Variants in GOLGB1 observed in about 807,000 individuals in gnomAD.
GOLGB1 encodes golgin subfamily B member 1.
GOLGB1 carries 174 observed loss-of-function variants against 336.9 expected under a neutral mutation model. The ratio of observed to expected loss-of-function variants is 0.52; its 90% CI spans 0.46 to 0.59. The LOEUF (loss-of-function observed/expected upper bound fraction) is 0.59. GOLGB1 is among the 20% of genes least tolerant of loss of function. The probability of loss-of-function intolerance (pLI) is 0.00; values close to 1 mark genes in which losing one functional copy is unlikely to be tolerated. For synonymous variants in GOLGB1, 1,208 were observed against 1,289.2 expected, an observed-to-expected ratio of 0.94 and a Z score of 1.35; for missense variants, 3,331 against 3,645.3, an observed-to-expected ratio of 0.91 and a Z score of 2.22.
intron 17 of GOLGB1, among the ~76,000 whole-genome samples, chr3:121,676,355 A>G (rs1940374364): frequency 6.6e-6 from 1 of 152,222 alleles, no homozygotes; most frequent in Non-Finnish European, 1.5e-5. Context: ...CTTGTGATGA[A>G]AAGCTTACGC....
At chr3:121,722,051 T>G (rs967539188) in intron 6 of GOLGB1, among the ~76,000 whole-genome samples, 3 of 152,198 alleles carry the variant, frequency 2.0e-5, no homozygotes, top group African/African-American at 7.2e-5. Flanking sequence ...AATAACACAT[T>G]GTGAGGTTTT....
intron 1 of GOLGB1, among the ~76,000 whole-genome samples, chr3:121,731,601 T>G (rs540347159): frequency 2.0e-5 from 3 of 152,292 alleles, no homozygotes; most frequent in African/African-American, 4.8e-5. Flanking sequence ...TACTGCAACA[T>G]TTTTCTTTTT....
chr3:121,695,571 A>G lies in GOLGB1; in HGVS notation c.4952T>C (p.Leu1651Pro), dbSNP rs1942866596. 3.1e-6 allele frequency: 5 copies of G among 1,613,806 alleles called. No individual in the cohort carries two copies. Among genetic ancestry groups the G allele is most frequent in the Non-Finnish European group, 3.4e-6 (4 of 1,179,952 alleles). Residue 1651 changes from leucine (L) to proline (P), a missense_variant, in exon 13 of 22, where the codon CTG (leucine) becomes CCG (proline). Leu to Pro is a moderately conservative substitution (Grantham distance 98). Transcript: ENST00000614479. Reference sequence around the variant, plus strand: ...CTCTGTGCTTCTTAACTTGCCATACAGTTCTTGTTTCTCTTGCCTCACAGC... The same window carrying G: ...CTCTGTGCTTCTTAACTTGCCATACGGTTCTTGTTTCTCTTGCCTCACAGC... The part of the protein sequence containing the change: ...VEAVRQEKQE[L>P]YGKLRSTEAN...
chr3:121,732,384 G>T (rs1463991031), intron 1 of GOLGB1, among the ~76,000 whole-genome samples: 1 of 152,132 alleles, frequency 6.6e-6, no homozygotes, highest in African/African-American at 2.4e-5. Flanking sequence ...GACTAGCATT[G>T]CCCTAATACT....
At chr3:121,684,006 T>G (rs1005762286) in intron 14 of GOLGB1, among the ~76,000 whole-genome samples, 2 of 151,446 alleles carry the variant, frequency 1.3e-5, no homozygotes, top group African/African-American at 4.8e-5. Flanking sequence ...CGGGAGCCTA[T>G]AGTCCCAGCT....
chr3:121,704,378 A>G (rs975290621), intron 10 of GOLGB1, among the ~76,000 whole-genome samples: 3 of 152,222 alleles, frequency 2.0e-5, no homozygotes, highest in Admixed American at 6.5e-5. Context: ...TAAAATTTCC[A>G]TGGAAAAATG....
intron 10 of GOLGB1, among the ~76,000 whole-genome samples, chr3:121,711,454 C>A (rs1009932031): frequency 2.0e-5 from 3 of 152,020 alleles, no homozygotes; most frequent in African/African-American, 7.2e-5. Context: ...ACACTTTCCT[C>A]TTAGATTAGA....
intron 10 of GOLGB1, among the ~76,000 whole-genome samples, chr3:121,706,733 C>CAAAAAAAAAAAAAAA (rs1200925309): frequency 6.2e-5 from 1 of 16,158 alleles, no homozygotes; most frequent in African/African-American, 2.6e-4. Context: ...GACTCTGTCT[C>CAAAAAAAAAAAAAAA]AAAAAAAAAA....
Position 121,664,601 on chromosome 3 carries a change from A to G in GOLGB1, c.9674T>C (p.Val3225Ala). 2 of 1,613,994 alleles carry G rather than the reference A, an allele frequency of 1.2e-6. No homozygotes were observed. Among genetic ancestry groups the G allele is most frequent in the Non-Finnish European group, 1.7e-6 (2 of 1,179,874 alleles). ...SNSCRRTRSGVGWKRVLRSLC... is the reference protein window; with the variant it reads ...SNSCRRTRSGAGWKRVLRSLC... The stretch of plus-strand genomic sequence containing the variant: ...TGAACGCAGGACTCGCTTCCATCCA[A>G]CGCCACTCCGGGTCTGAAAGAAAAA... Residue 3225 changes from valine to alanine, a missense_variant, in exon 22 of 22, where the codon GTT (valine) becomes GCT (alanine). Val to Ala is a moderately conservative substitution (Grantham distance 64). Coordinates refer to ENST00000614479, the MANE Select transcript of GOLGB1 (RefSeq NM_001366282.2).
At chr3:121,720,240 C>A (rs1945092504) in intron 6 of GOLGB1, among the ~76,000 whole-genome samples, 1 of 152,076 alleles carries the variant, frequency 6.6e-6, no homozygotes, top group Admixed American at 6.6e-5. Context: ...CTGGAAATAC[C>A]AATCTATCTT....
chr3:121,678,215 G>C (rs952862240), intron 15 of GOLGB1, among the ~76,000 whole-genome samples: 1 of 152,144 alleles, frequency 6.6e-6, no homozygotes, highest in African/African-American at 2.4e-5. Context: ...TTATAATCAA[G>C]TCCATAAAGA....
At chr3:121,678,655 C>G (rs1408249665) in intron 15 of GOLGB1, among the ~76,000 whole-genome samples, 1 of 151,964 alleles carries the variant, frequency 6.6e-6, no homozygotes, top group Non-Finnish European at 1.5e-5. Flanking sequence ...GCAACCTCCA[C>G]CTCCCGGGTT....
chr3:121,742,683 C>T (rs1946962313), intron 1 of GOLGB1, among the ~76,000 whole-genome samples: 1 of 152,104 alleles, frequency 6.6e-6, no homozygotes, highest in African/African-American at 2.4e-5. Context: ...GAACAGGCAA[C>T]CTACAGAATG....
chr3:121,690,648 A>G (rs780653022), intron 14 of GOLGB1, 22 bp downstream of exon 14: 10 of 1,279,780 alleles, frequency 7.8e-6, no homozygotes, highest in Middle Eastern at 2.4e-4. Context: ...AACAGATCAG[A>G]AAGAAAGAAC....
In GOLGB1 at chr3:121,726,903, C is replaced by T; in HGVS notation, c.531+10G>A. 6.4e-7 allele frequency: 1 copy of T among 1,565,788 alleles called. No individual in the cohort carries two copies. Among genetic ancestry groups the T allele is most frequent in the Non-Finnish European group, 8.7e-7 (1 of 1,156,004 alleles). On this transcript the variant is annotated intron_variant, in intron 5 of 21. Transcript: ENST00000614479. ...TAACCTAATGATTATGAAGTAACTT[C>T]CACCCCTACCTGTGCAGGTTGTTCT...
intron 17 of GOLGB1, among the ~76,000 whole-genome samples, chr3:121,671,638 G>A (rs543869627): frequency 1.4e-4 from 22 of 152,062 alleles, no homozygotes; most frequent in African/African-American, 4.6e-4. Flanking sequence ...TTTCCTTTAC[G>A]CTAGAAGCAT....
At chr3:121,672,929 G>A (rs1419098815) in intron 17 of GOLGB1, among the ~76,000 whole-genome samples, 3 of 152,156 alleles carry the variant, frequency 2.0e-5, no homozygotes, top group South Asian at 4.1e-4. Context: ...TCAAAGACAA[G>A]TTGCCCCTAA....
intron 17 of GOLGB1, 136 bp from the exon 18 acceptor site, chr3:121,669,491 G>A: frequency 1.7e-6 from 1 of 596,684 alleles, no homozygotes. Flanking sequence ...CACTTTGTGT[G>A]CCTTCAAAGT....
intron 3 of GOLGB1, 128 bp from the exon 4 acceptor site, chr3:121,729,468 C>A: frequency 2.7e-6 from 2 of 741,276 alleles, no homozygotes; most frequent in African/African-American, 3.6e-5. Context: ...GGCTGGAGTG[C>A]AGTGGCACAA....
Sources: gnomAD v4.1 joint callset for allele counts (sites outside exome capture counted in the v4.1 genomes callset) on GRCh38, gnomAD v4.1.1 for gene constraint, MANE v1.5 for transcripts, NCBI Gene and HGNC (gene_info 2026-07-23, HGNC 2026-07-21) for gene names.